The following IGSF10 variants were observed in gnomAD, a reference collection of about 807,000 sequenced individuals.
IGSF10 encodes the protein calvaria mechanical force protein 608.
In IGSF10, 126 loss-of-function variants were observed where a neutral mutation model predicts 128.2. The ratio of observed to expected loss-of-function variants is 0.98; its 90% confidence interval spans 0.85 to 1.14. The LOEUF (loss-of-function observed/expected upper bound fraction) is 1.14. IGSF10 is among the 50% of genes most tolerant of loss of function. The pLI is 0.00. For synonymous variants in IGSF10, 1,185 were observed against 1,146.2 expected (o/e 1.03, Z -0.68); for missense variants, 3,295 against 3,149.8 (o/e 1.05, Z -1.10).
the IGSF10 span, among the ~76,000 whole-genome samples, chr3:151,513,790 A>G: frequency 1.3e-5 from 2 of 152,190 alleles, no homozygotes; most frequent in Non-Finnish European, 2.9e-5. Context: ...ATACAAAATC[A>G]ATGTACAAAA....
At chr3:151,506,866 G>T in the IGSF10 span, among the ~76,000 whole-genome samples, 2 of 152,212 alleles carry the variant, frequency 1.3e-5, no homozygotes, top group Non-Finnish European at 2.9e-5. Context: ...AACGTTCTTT[G>T]TGAGAGCTAT....
chr3:151,524,356 T>C, the IGSF10 span, among the ~76,000 whole-genome samples: 1 of 152,036 alleles, frequency 6.6e-6, no homozygotes, highest in East Asian at 1.9e-4. Context: ...CTATTCACAA[T>C]AGCAAAGACA....
intron 4 of IGSF10, among the ~76,000 whole-genome samples, chr3:151,454,596 T>C (rs116537792): frequency 6.6e-6 from 1 of 151,670 alleles, no homozygotes; most frequent in Admixed American, 6.6e-5. Flanking sequence ...GTTTTTTTTT[T>C]AAGTCTTAGT....
At chr3:151,532,985 A>G in the IGSF10 span, among the ~76,000 whole-genome samples, 3 of 152,242 alleles carry the variant, frequency 2.0e-5, no homozygotes, top group Non-Finnish European at 4.4e-5. Flanking sequence ...ACAAAAATCA[A>G]TGTGCAAAAA....
At chr3:151,519,229 G>A in the IGSF10 span, among the ~76,000 whole-genome samples, 7 of 151,730 alleles carry the variant, frequency 4.6e-5, no homozygotes, top group African/African-American at 7.3e-5. Context: ...TAATTTTTAT[G>A]CCAGCCTTAG....
the IGSF10 span, among the ~76,000 whole-genome samples, chr3:151,514,810 T>C: frequency 2.0e-5 from 3 of 151,988 alleles, no homozygotes; most frequent in Non-Finnish European, 4.4e-5. Context: ...GGGCAAAGGA[T>C]ATGAACAGAC....
At chr3:151,512,345 C>T in the IGSF10 span, among the ~76,000 whole-genome samples, 1 of 152,132 alleles carries the variant, frequency 6.6e-6, no homozygotes, top group Non-Finnish European at 1.5e-5. Context: ...AACTGAACCA[C>T]CTGCTCCTGA....
chr3:151,552,188 A>T, the IGSF10 span, among the ~76,000 whole-genome samples: 1 of 152,130 alleles, frequency 6.6e-6, no homozygotes, highest in Admixed American at 6.6e-5. Flanking sequence ...AGCCATGTGA[A>T]GGTGTGCTTA....
At position 151,446,148 on chromosome 3, in the gene IGSF10, T is replaced by G; in HGVS notation, c.3833A>C (p.His1278Pro). The change falls in exon 6 of 8, where the codon CAC (histidine) becomes CCC (proline). Residue 1278 changes from histidine to proline, a missense_variant. Coordinates refer to ENST00000282466, the MANE Select transcript of IGSF10 (RefSeq NM_178822.5). ...TTAHHTTTKT[H>P]NPGSLPTKKE... ...CTTTGTTGGAAGACTTCCAGGATTGTGTGTTTTGGTCGTAGTGTGGTGAGC... is the reference window on the plus strand; with the variant it reads ...CTTTGTTGGAAGACTTCCAGGATTGGGTGTTTTGGTCGTAGTGTGGTGAGC... 6.2e-7 allele frequency: 1 copy of G among 1,614,116 alleles called. No individual in the cohort carries two copies. Among genetic ancestry groups the G allele is most frequent in the Non-Finnish European group, 8.5e-7 (1 of 1,180,018 alleles).
At chr3:151,496,304 T>C in the IGSF10 span, among the ~76,000 whole-genome samples, 5 of 151,236 alleles carry the variant, frequency 3.3e-5, no homozygotes, top group South Asian at 1.1e-3. Flanking sequence ...CCCATTAACT[T>C]GTCATTTAAC....
rs565077717 is a variant in IGSF10, at chr3:151,461,025, G to C, written c.-168C>G. ...GGTCCCGGGCTCAGCTGCTGGGGTC[G>C]TGCGGAGCTGGTCCGGAGCTCTGGG... On this transcript the variant is annotated 5_prime_UTR_variant, in exon 1 of 8. Transcript: ENST00000282466. 1.0e-5 allele frequency: 10 copies of C among 985,398 alleles called. No individual in the cohort carries two copies. The African/African-American group carries it at 1.0e-4, about 10-fold the overall frequency. The allele number at this position is 985,398 out of a possible 1,614,324, so 61.0% of individuals were successfully genotyped here.
At chr3:151,463,539 T>TTTTTTG (rs1560185520), upstream of IGSF10, among the ~76,000 whole-genome samples, 19 of 107,486 alleles carry the variant, frequency 1.8e-4, no homozygotes, top group African/African-American at 3.5e-4. Flanking sequence ...TTTTTTTTTT[T>TTTTTTG]TTTTTTTTTT....
chr3:151,613,138 G>C, the IGSF10 span, among the ~76,000 whole-genome samples: 1 of 152,182 alleles, frequency 6.6e-6, no homozygotes, highest in South Asian at 2.1e-4. Context: ...TACAAGGGAT[G>C]TGAAGGACCT....
Position 151,436,907 on chromosome 3 carries a change from C to CCACA in IGSF10, c.7650_7653dup (p.Ala2552CysfsTer16), listed in dbSNP as rs1560168039. On this transcript the variant is annotated frameshift_variant, in exon 8 of 8. Coordinates refer to ENST00000282466, the MANE Select transcript of IGSF10 (RefSeq NM_178822.5). LOFTEE classifies it low-confidence loss of function (END_TRUNC). ...ATTTCTGGCTTGGGAACTCCCAAGG[C>CCACA]CACACAGTGGAGCTGAAAGGCTGCC... 4 of 1,614,138 alleles carry CCACA rather than the reference C, an allele frequency of 2.5e-6. No homozygotes were observed. Among genetic ancestry groups the CCACA allele is most frequent in the Non-Finnish European group, 3.4e-6 (4 of 1,179,998 alleles).
At position 151,447,097 on chromosome 3, in the gene IGSF10, T is replaced by C. The variant is rs1721242047; in HGVS notation, c.2884A>G (p.Ser962Gly). Residue 962 changes from serine to glycine, a missense_variant, in exon 6 of 8, where the codon AGT (serine) becomes GGT (glycine). By Grantham distance (56) the Ser-to-Gly change is moderately conservative. Coordinates refer to ENST00000282466, the MANE Select transcript of IGSF10 (RefSeq NM_178822.5). Reference sequence around the variant, plus strand: ...TAGAAGTGATTGTGCCTGGGTTCACTCACTTCTCTTACAGATGTCTGATGA... The same window carrying C: ...TAGAAGTGATTGTGCCTGGGTTCACCCACTTCTCTTACAGATGTCTGATGA... ...NSHQTSVREV[S>G]EPRHNHFYSH... 1 of 1,614,224 alleles carries C rather than the reference T, an allele frequency of 6.2e-7. No homozygotes were observed. Among genetic ancestry groups the C allele is most frequent in the Non-Finnish European group, 8.5e-7 (1 of 1,180,026 alleles).
At chr3:151,482,414 T>C in the IGSF10 span, among the ~76,000 whole-genome samples, 1 of 152,016 alleles carries the variant, frequency 6.6e-6, no homozygotes, top group Admixed American at 6.5e-5. Flanking sequence ...ATTAAATGAA[T>C]AAAATAAAAC....
At chr3:151,524,312 T>C in the IGSF10 span, among the ~76,000 whole-genome samples, 3 of 152,102 alleles carry the variant, frequency 2.0e-5, no homozygotes, top group East Asian at 1.9e-4. Flanking sequence ...TATTCTACCA[T>C]AAAGGCACAG....
the IGSF10 span, among the ~76,000 whole-genome samples, chr3:151,518,718 A>G: frequency 6.6e-6 from 1 of 151,954 alleles, no homozygotes; most frequent in African/African-American, 2.4e-5. Context: ...CATAATATAA[A>G]TATTTCCTAT....
In IGSF10 at chr3:151,447,524, C is replaced by T. The variant is rs1425560115; in HGVS notation, c.2457G>A (p.Arg819=). ...PATKALNLPA[R]TVTADSRTIS... is the part of the protein sequence containing the mutation. ...TTGTTCTGGAGTCAGCAGTCACTGT[C>T]CTTGCTGGAAGGTTCAAAGCTTTAG... Residue 819 remains arginine (R), a synonymous_variant, in exon 6 of 8, where the codon AGG becomes AGA. Coordinates refer to ENST00000282466, the MANE Select transcript of IGSF10 (RefSeq NM_178822.5). The T allele has an allele frequency of 4.3e-6, 7 of 1,613,980 alleles. No individual in the cohort carries two copies. Among genetic ancestry groups the T allele is most frequent in the African/African-American group, 1.3e-5 (1 of 74,898 alleles).
Sources: allele counts gnomAD v4.1 joint callset (sites outside exome capture counted in the v4.1 genomes callset), GRCh38; gene constraint gnomAD v4.1.1; transcripts MANE v1.5; gene names NCBI Gene and HGNC (gene_info 2026-07-23, HGNC 2026-07-21).